ANKFN1: variants seen among roughly 807,000 people sequenced by gnomAD.
ANKFN1 encodes the protein ankyrin repeat and fibronectin type-III domain-containing protein 1.
Under a neutral mutation model 108.7 loss-of-function variants are expected in ANKFN1, and 74 were observed. That is an observed-to-expected ratio of 0.68 (90% confidence interval 0.56 to 0.83). The LOEUF (loss-of-function observed/expected upper bound fraction) is 0.83, where lower values mean the gene tolerates loss of function less well. Ranked by LOEUF, ANKFN1 falls within the 40% of genes least tolerant of loss-of-function variation. The probability of loss-of-function intolerance (pLI) is 0.00; values close to 1 mark genes in which losing one functional copy is unlikely to be tolerated. For missense variants in ANKFN1, 1,505 were observed against 1,382.3 expected, an observed-to-expected ratio of 1.09 and a Z score of -1.41; for synonymous variants, 547 against 516.2, an observed-to-expected ratio of 1.06 and a Z score of -0.81.
intron 3 of ANKFN1, among the ~76,000 whole-genome samples, chr17:56,302,256 G>GA (rs1478241197): frequency 6.6e-6 from 1 of 152,188 alleles, no homozygotes; most frequent in Non-Finnish European, 1.5e-5. Flanking sequence ...TTCTTTAAAA[G>GA]AAAAATGCCG....
At chr17:56,133,498 C>A (rs1907406304) in intron 4 of ANKFN1, among the ~76,000 whole-genome samples, 1 of 151,648 alleles carries the variant, frequency 6.6e-6, no homozygotes, top group Non-Finnish European at 1.5e-5. Flanking sequence ...TATTTGTTCT[C>A]AGCTCTGATA....
chr17:56,059,867 C>T (rs772841905), intron 4 of ANKFN1, among the ~76,000 whole-genome samples: 18 of 152,280 alleles, frequency 1.2e-4, no homozygotes, highest in Non-Finnish European at 4.4e-5. Context: ...TAGCATGATG[C>T]CTCCAGCTTT....
At chr17:56,451,358 A>G (rs1054979388) in intron 11 of ANKFN1, among the ~76,000 whole-genome samples, 1 of 152,184 alleles carries the variant, frequency 6.6e-6, no homozygotes, top group African/African-American at 2.4e-5. Flanking sequence ...TCATACACAC[A>G]CAAAAAGAAT....
rs1432451005 is a variant in ANKFN1 at position 56,328,390 on chromosome 17, G to C, written c.188+2035G>C. ...GGGCACCTGAAATTCTTTCATCAGA[G>C]ACTCAATTAAGTATTGATGTCTTTT... On this transcript the variant is annotated intron_variant, in intron 4 of 20. Transcript: ENST00000682825. Among the ~76,000 whole-genome samples, 2 of 152,124 alleles carry C rather than the reference G, an allele frequency of 1.3e-5. 1 individual carries two copies. The highest frequency in any genetic ancestry group is 3.9e-4 in the East Asian group (2 of 5,182).
intron 11 of ANKFN1, among the ~76,000 whole-genome samples, chr17:56,452,415 A>T (rs1437744527): frequency 6.6e-6 from 1 of 152,162 alleles, no homozygotes; most frequent in African/African-American, 2.4e-5. Context: ...GAACCTTACT[A>T]TGTTACAGTA....
intron 3 of ANKFN1, among the ~76,000 whole-genome samples, chr17:56,307,849 C>T (rs529945910): frequency 2.0e-5 from 3 of 152,194 alleles, no homozygotes; most frequent in African/African-American, 4.8e-5. Flanking sequence ...CAATGATAGA[C>T]TGGATTAAGA....
intron 4 of ANKFN1, among the ~76,000 whole-genome samples, chr17:56,132,914 A>G (rs1160177129): frequency 6.6e-6 from 1 of 152,212 alleles, no homozygotes; most frequent in Non-Finnish European, 1.5e-5. Context: ...TTAGGTTTTA[A>G]GACATGAATT....
intron 8 of ANKFN1, among the ~76,000 whole-genome samples, chr17:56,405,224 G>T (rs1322932651): frequency 6.6e-6 from 1 of 152,102 alleles, no homozygotes; most frequent in African/African-American, 2.4e-5. Context: ...AAATATATAT[G>T]AAAAAATGAG....
intron 3 of ANKFN1, among the ~76,000 whole-genome samples, chr17:56,319,180 A>G (rs1452267784): frequency 1.3e-5 from 2 of 152,218 alleles, no homozygotes; most frequent in African/African-American, 4.8e-5. Flanking sequence ...TGACTTGTCT[A>G]TTGAATAGTC....
upstream of ANKFN1, among the ~76,000 whole-genome samples, chr17:56,148,672 G>C (rs1333387823): frequency 6.6e-6 from 1 of 152,142 alleles, no homozygotes; most frequent in African/African-American, 2.4e-5. Flanking sequence ...GGTAGCAGTA[G>C]ACTTTTATCT....
intron 3 of ANKFN1, among the ~76,000 whole-genome samples, chr17:56,299,913 C>T (rs1291209288): frequency 6.6e-6 from 1 of 152,146 alleles, no homozygotes; most frequent in East Asian, 1.9e-4. Flanking sequence ...TATACACACC[C>T]CTCTGAATTC....
chr17:56,111,372 T>G (rs1257121848), intron 4 of ANKFN1, among the ~76,000 whole-genome samples: 1 of 152,182 alleles, frequency 6.6e-6, no homozygotes, highest in Non-Finnish European at 1.5e-5. Flanking sequence ...CCACTTACTC[T>G]CTGCCTACCA....
At position 56,372,630 on chromosome 17, in the gene ANKFN1, A is replaced by C. The variant is rs749010156; in HGVS notation, c.602-16A>C. ...CCCAGAAAGAAAGAGAAGTAATCCC[A>C]TTTCTTTCCCTTTAGTTGTCAGCCT... On this transcript the variant is annotated splice_polypyrimidine_tract_variant and intron_variant, in intron 6 of 20. Coordinates refer to ENST00000682825, the MANE Select transcript of ANKFN1 (RefSeq NM_001370326.1). 1.2e-6 allele frequency: 2 copies of C among 1,603,628 alleles called. No homozygotes were observed. Among genetic ancestry groups the C allele is most frequent in the Non-Finnish European group, 1.7e-6 (2 of 1,174,504 alleles).
rs1905402604 is a variant in ANKFN1 at position 56,090,922 on chromosome 17, A to T, written c.288+44597A>T. Among the ~76,000 whole-genome samples the T allele has an allele frequency of 1.3e-5, 2 of 151,188 alleles. 1 individual carries two copies. Among genetic ancestry groups the T allele is most frequent in the Admixed American group, 1.3e-4 (2 of 15,164 alleles). On this transcript the variant is annotated intron_variant, in intron 4 of 12. Coordinates refer to the ANKFN1 transcript ENST00000635860. ...CGTGCCTGGCTAGGCGTTTGCTTTA[A>T]TTTGAATATATTATACCAATACCAA...
chr17:56,467,812 AAG>A (rs746128376), intron 15 of ANKFN1, among the ~76,000 whole-genome samples: 39 of 37,142 alleles, frequency 1.1e-3, no homozygotes, highest in East Asian at 8.2e-3. Flanking sequence ...GAAAGAAAGA[AAG>A]AAAGAAAGAA....
chr17:56,046,555 T>C (rs1177656502), intron 4 of ANKFN1, among the ~76,000 whole-genome samples: 4 of 152,194 alleles, frequency 2.6e-5, no homozygotes, highest in African/African-American at 9.7e-5. Context: ...TTCTTTTTTT[T>C]CCTTCTTCTT....
chr17:56,290,060 A>T (rs1226542551), intron 3 of ANKFN1, among the ~76,000 whole-genome samples: 1 of 152,134 alleles, frequency 6.6e-6, no homozygotes, highest in Non-Finnish European at 1.5e-5. Flanking sequence ...TACATCTTTC[A>T]CTGCCATGGC....
upstream of ANKFN1, among the ~76,000 whole-genome samples, chr17:56,152,883 A>G (rs1417164908): frequency 6.6e-6 from 1 of 152,220 alleles, no homozygotes; most frequent in East Asian, 1.9e-4. Flanking sequence ...CAGGCCAAAT[A>G]AAAACTTGCT....
chr17:56,299,739 T>A (rs1336452014), intron 3 of ANKFN1, among the ~76,000 whole-genome samples: 1 of 152,184 alleles, frequency 6.6e-6, no homozygotes, highest in Non-Finnish European at 1.5e-5. Flanking sequence ...AATGAGATAC[T>A]ACATGTAAAG....
Sources: gnomAD v4.1 joint callset for allele counts (sites outside exome capture counted in the v4.1 genomes callset) on GRCh38, gnomAD v4.1.1 for gene constraint, MANE v1.5 for transcripts, NCBI Gene and HGNC (gene_info 2026-07-23, HGNC 2026-07-21) for gene names.